Variants in SLC1A4 observed in about 807,000 individuals in gnomAD.
SLC1A4 encodes neutral amino acid transporter A.
A neutral mutation model predicts 37.7 loss-of-function variants in SLC1A4; 19 were observed. That is an observed-to-expected ratio of 0.50 (90% confidence interval 0.35 to 0.74). SLC1A4 has a LOEUF of 0.74. Ranked by LOEUF, SLC1A4 falls within the 30% of genes least tolerant of loss-of-function variation. The pLI is 0.01. For synonymous variants in SLC1A4, 299 were observed against 309.8 expected, an observed-to-expected ratio of 0.97 and a Z score of 0.37; for missense variants, 570 against 712.9, an observed-to-expected ratio of 0.80 and a Z score of 2.28.
chr2:65,021,219 C>A lies in SLC1A4; in HGVS notation c.*73C>A. 1 of 1,257,304 alleles carries A rather than the reference C, an allele frequency of 8.0e-7. No individual in the cohort carries two copies. Among genetic ancestry groups the A allele is most frequent in the Non-Finnish European group, 1.1e-6 (1 of 877,708 alleles). The allele number at this position is 1,257,304 out of a possible 1,614,324, so 77.9% of individuals were successfully genotyped here. On this transcript the variant is annotated 3_prime_UTR_variant, in exon 8 of 8. Transcript: ENST00000234256. ...TTCACCCAGCCGCCAGTCATGGACACAGGGCACTGCCCTTGCCAACTTTTA... is the reference window on the plus strand; with the variant it reads ...TTCACCCAGCCGCCAGTCATGGACAAAGGGCACTGCCCTTGCCAACTTTTA...
intron 4 of SLC1A4, among the ~76,000 whole-genome samples, chr2:65,012,947 G>T (rs1673978537): frequency 6.6e-6 from 1 of 152,204 alleles, no homozygotes; most frequent in Non-Finnish European, 1.5e-5. Context: ...ACACTGCTAT[G>T]AAGAAATACC....
At chr2:64,992,880 A>C (rs1673110778) in intron 1 of SLC1A4, among the ~76,000 whole-genome samples, 1 of 152,320 alleles carries the variant, frequency 6.6e-6, no homozygotes, top group South Asian at 2.1e-4. Flanking sequence ...GTATGTGTGC[A>C]CCGCTGAGGT....
intron 1 of SLC1A4, among the ~76,000 whole-genome samples, chr2:64,993,370 G>GT (rs1225563285): frequency 5.9e-5 from 9 of 152,168 alleles, no homozygotes; most frequent in East Asian, 1.9e-4. Context: ...ATGTGTATAT[G>GT]TTTTTTTAAA....
chr2:65,005,639 T>C (rs912566334), intron 3 of SLC1A4, among the ~76,000 whole-genome samples: 1 of 152,196 alleles, frequency 6.6e-6, no homozygotes, highest in East Asian at 1.9e-4. Context: ...ACCCCCACTA[T>C]AAATTACTTG....
At chr2:65,020,848 T>C in intron 7 of SLC1A4, 64 bp from the exon 8 acceptor site, 3 of 1,356,840 alleles carry the variant, frequency 2.2e-6, no homozygotes, top group Non-Finnish European at 3.2e-6. Flanking sequence ...GCATCCAGGC[T>C]GCCTGTGACA....
chr2:65,021,251 C>A lies in SLC1A4; in HGVS notation c.*105C>A. On this transcript the variant is annotated 3_prime_UTR_variant, in exon 8 of 8. Transcript: ENST00000234256. ...CTGCCCTTGCCAACTTTTACCCTCC[C>A]AAGCAATGCTTTGGCCCAGTCGCTG... The A allele has an allele frequency of 4.5e-6, 4 of 879,920 alleles. No homozygotes were observed. The highest frequency in any genetic ancestry group is 7.1e-6 in the Non-Finnish European group (4 of 565,262). 54.5% of individuals were successfully genotyped at this position (879,920 alleles called of 1,614,324 possible).
At chr2:65,008,586 A>G (rs1377504897) in intron 3 of SLC1A4, among the ~76,000 whole-genome samples, 4 of 152,174 alleles carry the variant, frequency 2.6e-5, no homozygotes, top group African/African-American at 9.7e-5. Context: ...GGCTGCAGTG[A>G]GCCGTGTTCA....
chr2:64,992,733 C>A (rs1351363499), intron 1 of SLC1A4, among the ~76,000 whole-genome samples: 19 of 152,136 alleles, frequency 1.2e-4, no homozygotes, highest in Admixed American at 1.2e-3. Context: ...GTAATGTCAC[C>A]TGCCTAGTCT....
chr2:65,005,621 G>A (rs1479295840), intron 3 of SLC1A4, among the ~76,000 whole-genome samples: 1 of 152,164 alleles, frequency 6.6e-6, no homozygotes, highest in Non-Finnish European at 1.5e-5. Context: ...GATCAGGTAG[G>A]ATTTAGTACC....
chr2:65,019,989 C>T (rs1674346939), intron 7 of SLC1A4, among the ~76,000 whole-genome samples: 1 of 152,212 alleles, frequency 6.6e-6, no homozygotes, highest in African/African-American at 2.4e-5. Context: ...TTTTCCCTCT[C>T]TTCAAAATGT....
chr2:65,001,535 A>C, intron 2 of SLC1A4, 45 bp downstream of exon 2: 2 of 1,551,368 alleles, frequency 1.3e-6, no homozygotes, highest in Non-Finnish European at 1.8e-6. Flanking sequence ...TTGATGGAAG[A>C]AATGTACCAA....
chr2:65,018,370 G>A lies in SLC1A4; in HGVS notation c.1229+105G>A. On this transcript the variant is annotated intron_variant, in intron 6 of 7. Coordinates refer to ENST00000234256, the MANE Select transcript of SLC1A4 (RefSeq NM_003038.5). This position sits in a 1 kb window ranked among gnomAD's most constrained non-coding sequence, Gnocchi z 4.3. ...CTTGGTGTCTCGCTCATAAAATGAGGACAGTGGGGATTCATTACTTGAAGA... is the reference window on the plus strand; with the variant it reads ...CTTGGTGTCTCGCTCATAAAATGAGAACAGTGGGGATTCATTACTTGAAGA... The A allele has an allele frequency of 7.2e-7, 1 of 1,387,602 alleles. No homozygotes were observed. The highest frequency in any genetic ancestry group is 2.0e-5 in the Admixed American group (1 of 48,976). The allele number at this position is 1,387,602 out of a possible 1,614,324, so 86.0% of individuals were successfully genotyped here.
At chr2:65,004,589 G>C (rs1673605682) in intron 3 of SLC1A4, among the ~76,000 whole-genome samples, 1 of 151,808 alleles carries the variant, frequency 6.6e-6, no homozygotes, top group Non-Finnish European at 1.5e-5. Flanking sequence ...CCTGGCCCCA[G>C]AAAACATTTT....
At chr2:64,992,742 C>T (rs1028995646) in intron 1 of SLC1A4, among the ~76,000 whole-genome samples, 1 of 152,114 alleles carries the variant, frequency 6.6e-6, no homozygotes, top group African/African-American at 2.4e-5. Flanking sequence ...CCTGCCTAGT[C>T]TAGTGTGGCT....
Position 65,023,147 on chromosome 2 carries a change from C to T in SLC1A4, c.*2001C>T, listed in dbSNP as rs113598792. ...GCAAAGGAAACTGGAAACTTTTCCC[C>T]GCTGGGTAGAGCATGTTGCTGATAC... On this transcript the variant is annotated 3_prime_UTR_variant, in exon 8 of 8. Transcript: ENST00000234256. 7.4e-3 allele frequency: 1,133 copies of T among 152,308 alleles called. 15 individuals carry two copies. The highest frequency in any genetic ancestry group is 0.026 in the African/African-American group (1,072 of 41,556). The allele number at this position is 152,308 out of a possible 1,614,324, so 9.4% of individuals were successfully genotyped here.
chr2:65,012,183 G>A (rs1368854192), intron 4 of SLC1A4, among the ~76,000 whole-genome samples: 7 of 151,294 alleles, frequency 4.6e-5, no homozygotes, highest in South Asian at 2.1e-4. Flanking sequence ...TCCACCTCCC[G>A]GGTTCAAGCC....
intron 3 of SLC1A4, among the ~76,000 whole-genome samples, chr2:65,008,387 T>C (rs955097569): frequency 6.6e-6 from 1 of 152,156 alleles, no homozygotes; most frequent in African/African-American, 2.4e-5. Flanking sequence ...CCTGTAATAA[T>C]AACACTTTGA....
At chr2:65,016,710 A>G (rs1674153249) in intron 5 of SLC1A4, 37 bp downstream of exon 5, 9 of 1,399,266 alleles carry the variant, frequency 6.4e-6, no homozygotes, top group Non-Finnish European at 9.1e-6. Flanking sequence ...GCTCTGAGCC[A>G]TGTTAACATG....
At position 65,017,461 on chromosome 2, in the gene SLC1A4, C is replaced by A. The variant is rs186121613; in HGVS notation, c.1035-610C>A. Reference sequence around the variant, plus strand: ...CCTCTACTGCTCACTTCCTCCCAATCTGGATGGCTATTTATATAACACAGA... The same window carrying A: ...CCTCTACTGCTCACTTCCTCCCAATATGGATGGCTATTTATATAACACAGA... On this transcript the variant is annotated intron_variant, in intron 5 of 7. Transcript: ENST00000234256. Among the ~76,000 whole-genome samples, 58 of 151,510 alleles carry A rather than the reference C, an allele frequency of 3.8e-4. 1 individual carries two copies. The highest frequency in any genetic ancestry group is 3.5e-3 in the Admixed American group (53 of 15,244).
Sources: allele counts gnomAD v4.1 joint callset (sites outside exome capture counted in the v4.1 genomes callset), GRCh38; gene constraint gnomAD v4.1.1; non-coding constraint Gnocchi (gnomAD v3.1); transcripts MANE v1.5; gene names NCBI Gene and HGNC (gene_info 2026-07-23, HGNC 2026-07-21).